The following ITPR1 variants were observed in gnomAD, a reference collection of about 807,000 sequenced individuals.
The protein encoded by ITPR1 is inositol 1,4,5-trisphosphate-gated calcium channel ITPR1.
In ITPR1, 96 loss-of-function variants were observed where a neutral mutation model predicts 318.4. The ratio of observed to expected loss-of-function variants is 0.30; its 90% CI spans 0.26 to 0.36. The LOEUF (loss-of-function observed/expected upper bound fraction) is 0.36. Among genes scored for constraint, ITPR1 ranks in the 10% least tolerant of loss-of-function variants. ITPR1 has a pLI of 1.00. For synonymous variants in ITPR1, 1,312 were observed against 1,289.9 expected (o/e 1.02, Z -0.37); for missense variants, 2,440 against 3,460.2 (o/e 0.71, Z 7.40).
intron 2 of ITPR1, among the ~76,000 whole-genome samples, chr3:4,495,297 G>A (rs888134109): frequency 6.6e-6 from 1 of 151,936 alleles, no homozygotes; most frequent in Non-Finnish European, 1.5e-5. Flanking sequence ...AGAGGTAGGT[G>A]GGGGTGGGTG....
At chr3:4,810,577 C>A (rs2048873724) in intron 55 of ITPR1, among the ~76,000 whole-genome samples, 1 of 152,204 alleles carries the variant, frequency 6.6e-6, no homozygotes, top group Non-Finnish European at 1.5e-5. Context: ...CTGCCCCAGT[C>A]TCTTGATCAG....
intron 34 of ITPR1, among the ~76,000 whole-genome samples, chr3:4,699,397 C>T (rs1414870476): frequency 5.3e-5 from 8 of 151,870 alleles, no homozygotes; most frequent in Non-Finnish European, 1.0e-4. Flanking sequence ...TCCACAGGAC[C>T]TCAGTAACAT....
At position 4,676,780 on chromosome 3, in the gene ITPR1, G is replaced by A. The variant is rs777422804; in HGVS notation, c.2946G>A (p.Leu982=). 8 of 1,613,274 alleles carry A rather than the reference G, an allele frequency of 5.0e-6. No homozygotes were observed. Among genetic ancestry groups the A allele is most frequent in the Admixed American group, 1.7e-5 (1 of 59,964 alleles). Reference sequence around the variant, plus strand: ...ACATCATGGTCATGGACACCAAGCTGAAGATCATTGAGATACTCCAGGTAT... The same window carrying A: ...ACATCATGGTCATGGACACCAAGCTAAAGATCATTGAGATACTCCAGGTAT... ...KEDIMVMDTK[L]KIIEILQFIL... is the part of the protein sequence containing the mutation. The change falls in exon 24 of 62, where the codon CTG becomes CTA. Residue 982 remains leucine (L), a synonymous_variant. Transcript: ENST00000649015.
At chr3:4,559,013 T>C (rs2086415659) in intron 4 of ITPR1, among the ~76,000 whole-genome samples, 1 of 152,140 alleles carries the variant, frequency 6.6e-6, no homozygotes, top group South Asian at 2.1e-4. Flanking sequence ...AAAAATACTT[T>C]TTAATTTTAT....
chr3:4,750,672 C>G (rs2125344564), intron 44 of ITPR1: 1 of 152,080 alleles, frequency 6.6e-6, no homozygotes, highest in Non-Finnish European at 1.5e-5. Flanking sequence ...TTTTTTAATT[C>G]CCCTGTCTCT....
chr3:4,706,114 AG>A (rs779583595), intron 36 of ITPR1, 52 bp from the exon 37 acceptor site: 39 of 1,595,942 alleles, frequency 2.4e-5, no homozygotes, highest in Non-Finnish European at 3.1e-5. Context: ...GTCCATCTGT[AG>A]GGTGTCCCCC....
At position 4,737,103 on chromosome 3, in the gene ITPR1, AT is replaced by A. The variant is rs894674092; in HGVS notation, c.5544+1759del. On this transcript the variant is annotated intron_variant, in intron 44 of 61. Coordinates refer to ENST00000649015, the MANE Select transcript of ITPR1 (RefSeq NM_001378452.1). ...AAATGGTGTTGATTATGGATGATAG[AT>A]TTTTTTTTTCTGTTGGCCAAATTAG... 1.2e-3 allele frequency among the ~76,000 whole-genome samples: 183 copies of A among 150,494 alleles called. 1 individual carries two copies. The highest frequency in any genetic ancestry group is 6.8e-3 in the Middle Eastern group (2 of 294).
In ITPR1 at chr3:4,710,412, C is replaced by T. The variant is rs1325539359; in HGVS notation, c.4930C>T (p.Leu1644=). 6.4e-7 allele frequency: 1 copy of T among 1,557,134 alleles called. No individual in the cohort carries two copies. Among genetic ancestry groups the T allele is most frequent in the African/African-American group, 1.4e-5 (1 of 73,540 alleles). ...VLVDVLHRPE[L]LFPENTDARR... is the part of the protein sequence containing the mutation. ...CGTGGATGTTCTCCACAGACCCGAG[C>T]TGCTTTTCCCAGAGAACACAGACGC... Residue 1644 remains leucine (L), a synonymous_variant, in exon 38 of 62, where the codon CTG becomes TTG. Transcript: ENST00000649015. The surrounding 1 kb of genome is among the most constrained non-coding windows in gnomAD (Gnocchi z 4.2).
intron 44 of ITPR1, 41 bp from the exon 45 acceptor site, chr3:4,766,489 G>C: frequency 6.4e-7 from 1 of 1,571,706 alleles, no homozygotes. Context: ...GCAGTTTCTG[G>C]TCAGTTACAG....
intron 46 of ITPR1, among the ~76,000 whole-genome samples, chr3:4,770,556 T>G (rs1335534026): frequency 6.6e-6 from 1 of 152,140 alleles, no homozygotes; most frequent in Non-Finnish European, 1.5e-5. Flanking sequence ...TGCATGCTAG[T>G]GGGGGCCCCT....
chr3:4,828,711 C>T (rs1666339024), intron 60 of ITPR1, among the ~76,000 whole-genome samples: 1 of 152,166 alleles, frequency 6.6e-6, no homozygotes, highest in Non-Finnish European at 1.5e-5. Flanking sequence ...GTGGTTCTCT[C>T]TGCTGGGATG....
In ITPR1 at chr3:4,777,393, C is replaced by T; in HGVS notation, c.6291+19C>T. On this transcript the variant is annotated intron_variant, in intron 48 of 61. Transcript: ENST00000649015. ...ACTGAAGGCAAGTAGGAATTAAAAGCAGAAGACAGTCATTTGGAAACAGTC... is the reference window on the plus strand; with the variant it reads ...ACTGAAGGCAAGTAGGAATTAAAAGTAGAAGACAGTCATTTGGAAACAGTC... The T allele has an allele frequency of 1.4e-6, 2 of 1,447,508 alleles. No individual in the cohort carries two copies. Among genetic ancestry groups the T allele is most frequent in the Non-Finnish European group, 1.9e-6 (2 of 1,044,652 alleles). The allele number at this position is 1,447,508 out of a possible 1,614,324, so 89.7% of individuals were successfully genotyped here.
chr3:4,754,364 C>A (rs1056024205), intron 44 of ITPR1, among the ~76,000 whole-genome samples: 3 of 152,158 alleles, frequency 2.0e-5, no homozygotes, highest in African/African-American at 7.2e-5. Context: ...ATTTTCCAAG[C>A]ACCTCTTGCA....
Position 4,814,478 on chromosome 3 carries a change from G to A in ITPR1, c.7617G>A (p.Leu2539=). The change falls in exon 58 of 62, where the codon CTG becomes CTA. Residue 2539 remains leucine (L), a synonymous_variant. Transcript: ENST00000649015. The part of the protein sequence containing the change: ...EQDKEHTCET[L]LMCIVTVLSH... ...ATAAAGAGCACACATGTGAGACGCT[G>A]CTGATGTGCATTGTCACTGTGCTGA... 6.2e-7 allele frequency: 1 copy of A among 1,613,816 alleles called. No individual in the cohort carries two copies. Among genetic ancestry groups the A allele is most frequent in the Non-Finnish European group, 8.5e-7 (1 of 1,179,768 alleles).
At chr3:4,706,977 G>A (rs1307836626) in intron 37 of ITPR1, among the ~76,000 whole-genome samples, 1 of 152,132 alleles carries the variant, frequency 6.6e-6, no homozygotes, top group Non-Finnish European at 1.5e-5. Context: ...TTTGAGAATC[G>A]CAGATCCTTT....
At chr3:4,634,706 C>A (rs1320116382) in intron 5 of ITPR1, among the ~76,000 whole-genome samples, 1 of 152,152 alleles carries the variant, frequency 6.6e-6, no homozygotes, top group African/African-American at 2.4e-5. Flanking sequence ...CTCTCCTACC[C>A]CCTATTCTGT....
At chr3:4,609,564 A>G (rs1295055100) in intron 4 of ITPR1, among the ~76,000 whole-genome samples, 1 of 151,974 alleles carries the variant, frequency 6.6e-6, no homozygotes, top group Non-Finnish European at 1.5e-5. Flanking sequence ...GCCATGGCCC[A>G]CCTCACACGT....
chr3:4,607,453 A>G (rs149372567), intron 4 of ITPR1, among the ~76,000 whole-genome samples: 7 of 152,274 alleles, frequency 4.6e-5, no homozygotes, highest in Non-Finnish European at 5.9e-5. Flanking sequence ...AAGTCCCCTT[A>G]TAAACCACCC....
intron 44 of ITPR1, among the ~76,000 whole-genome samples, chr3:4,762,055 A>G (rs1328407289): frequency 6.6e-6 from 1 of 152,308 alleles, no homozygotes; most frequent in African/African-American, 2.4e-5. Flanking sequence ...CCTTCTAAGA[A>G]GAAGTATGTT....
Sources: allele counts gnomAD v4.1 joint callset (sites outside exome capture counted in the v4.1 genomes callset), GRCh38; gene constraint gnomAD v4.1.1; non-coding constraint Gnocchi (gnomAD v3.1); transcripts MANE v1.5; gene names NCBI Gene and HGNC (gene_info 2026-07-23, HGNC 2026-07-21).